The following RAP1GAP variants were observed in gnomAD, a reference collection of about 807,000 sequenced individuals.
The protein encoded by RAP1GAP is RAP1 GTPase activating protein, also known as rap1 GTPase-activating protein 1.
RAP1GAP carries 35 observed loss-of-function variants against 87.2 expected under a neutral mutation model. The observed-to-expected ratio is 0.40, with a 90% CI of 0.31 to 0.53. RAP1GAP has a LOEUF of 0.53. Among genes scored for constraint, RAP1GAP ranks in the 20% least tolerant of loss-of-function variants. The pLI is 0.48. For missense variants in RAP1GAP, 734 were observed against 898.9 expected (o/e 0.82, Z 2.35); for synonymous variants, 375 against 363.9 (o/e 1.03, Z -0.35).
intron 1 of RAP1GAP, chr1:21,651,792 C>T: frequency 7.2e-6 from 10 of 1,396,780 alleles, no homozygotes; most frequent in Non-Finnish European, 9.3e-6. Context: ...CCGTAGGCCC[C>T]GAAGGTGAAG....
chr1:21,626,578 TCTC>T (rs1484559182), intron 2 of RAP1GAP, among the ~76,000 whole-genome samples, 181 bp from the exon 3 acceptor site: 1 of 151,960 alleles, frequency 6.6e-6, no homozygotes, highest in Non-Finnish European at 1.5e-5. Context: ...CACACAGGCT[TCTC>T]CTTCCCCGGA....
At chr1:21,655,483 G>A (rs2096824528) in intron 1 of RAP1GAP, among the ~76,000 whole-genome samples, 2 of 152,210 alleles carry the variant, frequency 1.3e-5, no homozygotes, top group Admixed American at 6.5e-5. Context: ...AACATCCCAT[G>A]ACACTGGCCT....
chr1:21,612,699 C>A (rs1404257320), intron 10 of RAP1GAP, among the ~76,000 whole-genome samples: 1 of 152,208 alleles, frequency 6.6e-6, no homozygotes, highest in Non-Finnish European at 1.5e-5. Context: ...CCAGGAGGTG[C>A]CCCTGGCTCA....
chr1:21,609,697 C>T lies in RAP1GAP; in HGVS notation c.1000-51G>A. On this transcript the variant is annotated intron_variant, in intron 14 of 24. Transcript: ENST00000374765. This position sits in a 1 kb window ranked among gnomAD's most constrained non-coding sequence, Gnocchi z 4.4. The stretch of plus-strand genomic sequence containing the variant: ...CCTGTGGAGCCTGGGGTCTGCTCTG[C>T]CCCACCCAGCCAGAAACCCCTACTG... The T allele has an allele frequency of 1.4e-6, 2 of 1,385,252 alleles. No homozygotes were observed. Among genetic ancestry groups the T allele is most frequent in the Non-Finnish European group, 9.7e-7 (1 of 1,030,838 alleles). The allele number at this position is 1,385,252 out of a possible 1,614,324, so 85.8% of individuals were successfully genotyped here. A position where few individuals can be genotyped will look rare whatever the true frequency, so the allele number is the denominator to read the frequency against.
intron 2 of RAP1GAP, among the ~76,000 whole-genome samples, chr1:21,629,823 A>G (rs139232061): frequency 6.6e-6 from 1 of 152,344 alleles, no homozygotes; most frequent in African/African-American, 2.4e-5. Flanking sequence ...AACTTGCCCA[A>G]GCTCACACAG....
Position 21,634,709 on chromosome 1 carries a change from G to A in RAP1GAP, c.-112-8312C>T, listed in dbSNP as rs2094404517. The A allele has an allele frequency of 1.5e-5, 6 of 410,092 alleles. No homozygotes were observed. Among genetic ancestry groups the A allele is most frequent in the South Asian group, 8.7e-5 (5 of 57,646 alleles). The allele number at this position is 410,092 out of a possible 1,614,324, so 25.4% of individuals were successfully genotyped here. A position where few individuals can be genotyped will look rare whatever the true frequency, so the allele number is the denominator to read the frequency against. On this transcript the variant is annotated intron_variant, in intron 2 of 24. Coordinates refer to ENST00000374765, the MANE Select transcript of RAP1GAP (RefSeq NM_002885.4). This position sits in a 1 kb window ranked among gnomAD's most constrained non-coding sequence, Gnocchi z 4.1. ...GTTGGCAGCCTAGAGAGGTGGTCAC[G>A]GGACCGGTCCCTGCCCAGGGCACAG...
chr1:21,604,885 A>ATGGG (rs1157604839), intron 18 of RAP1GAP, among the ~76,000 whole-genome samples: 4 of 98,110 alleles, frequency 4.1e-5, no homozygotes, highest in East Asian at 3.3e-4. Flanking sequence ...GGATGGATGG[A>ATGGG]TGGGTGGATG....
intron 20 of RAP1GAP, among the ~76,000 whole-genome samples, chr1:21,600,172 T>C (rs76602764): frequency 0.017 from 2,593 of 152,282 alleles, 41 homozygotes; most frequent in Middle Eastern, 0.024. Context: ...AGGGCCTCTA[T>C]GCCTCCTGCC....
At chr1:21,663,242 A>C (rs2097214425) in intron 1 of RAP1GAP, among the ~76,000 whole-genome samples, 3 of 152,132 alleles carry the variant, frequency 2.0e-5, no homozygotes, top group Admixed American at 2.0e-4. Flanking sequence ...GCAACCCTCT[A>C]TCCCTGGCAG....
intron 2 of RAP1GAP, among the ~76,000 whole-genome samples, chr1:21,648,368 G>C (rs1459199124): frequency 6.6e-6 from 1 of 152,214 alleles, no homozygotes; most frequent in Non-Finnish European, 1.5e-5. Flanking sequence ...CCCTCCCTGT[G>C]GCCTGGTGGC....
intron 1 of RAP1GAP, among the ~76,000 whole-genome samples, chr1:21,659,260 CG>C (rs1359322663): frequency 1.3e-5 from 2 of 152,176 alleles, no homozygotes; most frequent in Non-Finnish European, 2.9e-5. Context: ...GCCGCGGTCT[CG>C]GGCGCCACCA....
At position 21,612,955 on chromosome 1, in the gene RAP1GAP, A is replaced by T. The variant is rs1277721234; in HGVS notation, c.528+221T>A. On this transcript the variant is annotated intron_variant, in intron 10 of 24. Transcript: ENST00000374765. ...GCCAGCCTCTAAGGCAGACAAACCG[A>T]GGCTTAAACGCAGGCCCTCCTATCT... 4 of 585,386 alleles carry T rather than the reference A, an allele frequency of 6.8e-6. No individual in the cohort carries two copies. The Admixed American group carries it at 8.7e-5, about 13-fold the overall frequency. The allele number at this position is 585,386 out of a possible 1,614,324, so 36.3% of individuals were successfully genotyped here.
intron 1 of RAP1GAP, among the ~76,000 whole-genome samples, chr1:21,658,439 G>A (rs2152272257): frequency 6.6e-6 from 1 of 152,226 alleles, no homozygotes; most frequent in East Asian, 1.9e-4. Flanking sequence ...GTGGTGGCAT[G>A]CGCCTGTAGT....
intron 17 of RAP1GAP, 52 bp from the exon 18 acceptor site, chr1:21,606,249 C>A (rs758494496): frequency 1.9e-6 from 3 of 1,539,204 alleles, no homozygotes; most frequent in Non-Finnish European, 2.6e-6. Context: ...GGGCCGTCCC[C>A]TTGGGGAAAC....
intron 7 of RAP1GAP, among the ~76,000 whole-genome samples, chr1:21,616,600 C>T (rs1027991651): frequency 2.6e-5 from 4 of 152,250 alleles, no homozygotes; most frequent in Non-Finnish European, 4.4e-5. Context: ...AGACAGCACC[C>T]GGCCTGCAAC....
intron 21 of RAP1GAP, among the ~76,000 whole-genome samples, 197 bp from the exon 22 acceptor site, chr1:21,598,699 C>T (rs1475451341): frequency 2.0e-4 from 31 of 152,264 alleles, no homozygotes; most frequent in Admixed American, 1.9e-3. Context: ...CCCAGGCACA[C>T]GCCACCCACT....
Position 21,669,309 on chromosome 1 carries a change from C to T in RAP1GAP, c.-204G>A. 2 of 1,163,610 alleles carry T rather than the reference C, an allele frequency of 1.7e-6. No homozygotes were observed. The highest frequency in any genetic ancestry group is 1.7e-5 in the African/African-American group (1 of 58,830). The allele number at this position is 1,163,610 out of a possible 1,614,324, so 72.1% of individuals were successfully genotyped here. On this transcript the variant is annotated 5_prime_UTR_variant, in exon 1 of 25. Transcript: ENST00000374765. The surrounding 1 kb of genome is among the most constrained non-coding windows in gnomAD (Gnocchi z 5.6). ...TCGGCACTCTGGTGCCCGCGGCCGCCGCTGCAGCTCTGCTCAGATGCGGCC... is the reference window on the plus strand; with the variant it reads ...TCGGCACTCTGGTGCCCGCGGCCGCTGCTGCAGCTCTGCTCAGATGCGGCC...
chr1:21,635,906 C>T (rs893876943), intron 2 of RAP1GAP, among the ~76,000 whole-genome samples: 5 of 152,170 alleles, frequency 3.3e-5, no homozygotes, highest in East Asian at 3.9e-4. Flanking sequence ...CTACAGAGGA[C>T]GAATGGGAGG....
rs1344211852 is a variant in RAP1GAP at position 21,613,423 on chromosome 1, A to C, written c.475-194T>G. 6.6e-6 allele frequency among the ~76,000 whole-genome samples: 1 copy of C among 152,164 alleles called. No individual in the cohort carries two copies. Among genetic ancestry groups the C allele is most frequent in the African/African-American group, 2.4e-5 (1 of 41,444 alleles). On this transcript the variant is annotated intron_variant, in intron 9 of 24. Transcript: ENST00000374765. The surrounding 1 kb of genome is among the most constrained non-coding windows in gnomAD (Gnocchi z 4.7). Reference sequence around the variant, plus strand: ...TCTGAAGGTGCTATAGAGAAAACCAAAAGCACACAGGCAGGGGACGGGGGC... The same window carrying C: ...TCTGAAGGTGCTATAGAGAAAACCACAAGCACACAGGCAGGGGACGGGGGC...
Sources: allele counts gnomAD v4.1 joint callset (sites outside exome capture counted in the v4.1 genomes callset), GRCh38; gene constraint gnomAD v4.1.1; non-coding constraint Gnocchi (gnomAD v3.1); transcripts MANE v1.5; gene names NCBI Gene and HGNC (gene_info 2026-07-23, HGNC 2026-07-21).